The following DHX32 variants were observed in gnomAD, a reference collection of about 807,000 sequenced individuals.
DHX32 encodes the protein putative pre-mRNA-splicing factor ATP-dependent RNA helicase DHX32.
DHX32 carries 51 observed loss-of-function variants against 70.0 expected under a neutral mutation model. The observed-to-expected ratio is 0.73, with a 90% CI of 0.58 to 0.92. DHX32 has a LOEUF of 0.92. Ranked by LOEUF, DHX32 falls within the 40% of genes least tolerant of loss-of-function variation. The pLI is 0.00. For synonymous variants in DHX32, 310 were observed against 315.3 expected, an observed-to-expected ratio of 0.98 and a Z score of 0.18; for missense variants, 762 against 891.8, an observed-to-expected ratio of 0.85 and a Z score of 1.85.
intron 6 of DHX32, chr10:125,842,147 T>A (rs2134028411): frequency 4.7e-6 from 3 of 636,902 alleles, no homozygotes; most frequent in East Asian, 7.0e-5. Context: ...CAGCTCATGC[T>A]CCGAGGAGGG....
intron 2 of DHX32, among the ~76,000 whole-genome samples, chr10:125,861,404 G>C (rs1944187582): frequency 6.6e-6 from 1 of 152,156 alleles, no homozygotes. Flanking sequence ...GGCTGAGGCA[G>C]GAGAATGGCG....
chr10:125,851,256 T>A (rs1944085543), intron 6 of DHX32, among the ~76,000 whole-genome samples: 1 of 152,216 alleles, frequency 6.6e-6, no homozygotes, highest in African/African-American at 2.4e-5. Context: ...AATCCACAGT[T>A]ATATTTTCCC....
At chr10:125,842,541 A>G (rs1396707617) in intron 6 of DHX32, 1 of 152,308 alleles carries the variant, frequency 6.6e-6, no homozygotes, top group Non-Finnish European at 1.5e-5. Context: ...CTGCCACCTG[A>G]CACAGCTATA....
chr10:125,854,289 G>A, intron 3 of DHX32, 86 bp from the exon 4 acceptor site: 1 of 1,360,308 alleles, frequency 7.4e-7, no homozygotes, highest in South Asian at 1.5e-5. Context: ...AAAATTTTAG[G>A]CAATACTACG....
At chr10:125,845,250 C>A (rs1943999883) in intron 6 of DHX32, among the ~76,000 whole-genome samples, 1 of 152,182 alleles carries the variant, frequency 6.6e-6, no homozygotes, top group Non-Finnish European at 1.5e-5. Context: ...CAAACCCTCA[C>A]AGGAAGTCTG....
Position 125,836,737 on chromosome 10 carries a change from G to C in DHX32, c.2182C>G (p.Gln728Glu), listed in dbSNP as rs150831914. Residue 728 changes from glutamine to glutamate, a missense_variant, in exon 11 of 11, where the codon CAA (glutamine) becomes GAA (glutamate). By Grantham distance (29) the Gln-to-Glu change is conservative (BLOSUM62 2). This residue lies in a region of DHX32 where 366 missense variants were observed against 402.6 expected (regional missense o/e 0.91). Coordinates refer to ENST00000284690, the MANE Select transcript of DHX32 (RefSeq NM_018180.3). ...SPVSTMNKEQ[Q>E]MCETCPETEQ... Reference sequence around the variant, plus strand: ...GTTTCAGGGCACGTCTCACACATTTGCTGTTCCTTATTCATTGTTGACACA... The same window carrying C: ...GTTTCAGGGCACGTCTCACACATTTCCTGTTCCTTATTCATTGTTGACACA... The C allele has an allele frequency of 3.5e-5, 57 of 1,614,050 alleles. No homozygotes were observed. In the Middle Eastern group the frequency reaches 9.9e-4, roughly 28 times the overall value.
At chr10:125,870,462 C>T (rs144442748) in intron 1 of DHX32, among the ~76,000 whole-genome samples, 3 of 152,306 alleles carry the variant, frequency 2.0e-5, no homozygotes, top group African/African-American at 7.2e-5. Context: ...ATTGCCACTA[C>T]ATCACAGTTG....
intron 1 of DHX32, among the ~76,000 whole-genome samples, chr10:125,879,225 T>C (rs1308022398): frequency 2.6e-5 from 4 of 151,572 alleles, no homozygotes; most frequent in Non-Finnish European, 4.4e-5. Flanking sequence ...GATCTTGCCA[T>C]GTTGCCCAGC....
intron 1 of DHX32, among the ~76,000 whole-genome samples, chr10:125,871,496 C>G (rs1468049249): frequency 1.3e-5 from 2 of 152,200 alleles, no homozygotes; most frequent in African/African-American, 4.8e-5. Context: ...GCTCCCCTTC[C>G]AGTAACAGCT....
At chr10:125,840,790 G>T in intron 8 of DHX32, 57 bp downstream of exon 8, 1 of 1,511,052 alleles carries the variant, frequency 6.6e-7, no homozygotes, top group South Asian at 1.3e-5. Flanking sequence ...TAAGGACTCA[G>T]ACTTATCTAG....
At chr10:125,882,609 CAGA>C (rs1019707059), upstream of DHX32, among the ~76,000 whole-genome samples, 11 of 152,254 alleles carry the variant, frequency 7.2e-5, no homozygotes, top group African/African-American at 2.6e-4. Context: ...ACCAGAGAGG[CAGA>C]AGAACTTCAT....
intron 8 of DHX32, among the ~76,000 whole-genome samples, chr10:125,839,415 C>T (rs1854806650): frequency 6.6e-6 from 1 of 152,236 alleles, no homozygotes; most frequent in Non-Finnish European, 1.5e-5. Flanking sequence ...GCACCCATGC[C>T]ACCTGCTGGG....
intron 1 of DHX32, among the ~76,000 whole-genome samples, chr10:125,893,209 TC>T (rs1944381469): frequency 6.6e-6 from 1 of 152,260 alleles, no homozygotes; most frequent in South Asian, 2.1e-4. Context: ...GGCAGCATGC[TC>T]CTGCAGTCCC....
In DHX32 at chr10:125,865,183, C is replaced by T. The variant is rs181300831; in HGVS notation, c.476+1807G>A. Among the ~76,000 whole-genome samples the T allele has an allele frequency of 4.7e-3, 720 of 152,226 alleles. 4 individuals carry two copies. The highest frequency in any genetic ancestry group is 6.0e-3 in the Non-Finnish European group (410 of 68,012). ...AAATGTCAAACCAACCAACCAACCA[C>T]AAATCTGCTTAGGGATCCTTCACCC... On this transcript the variant is annotated intron_variant, in intron 2 of 10. Transcript: ENST00000284690.
At chr10:125,857,387 C>T (rs1213918464) in intron 3 of DHX32, among the ~76,000 whole-genome samples, 1 of 152,198 alleles carries the variant, frequency 6.6e-6, no homozygotes, top group African/African-American at 2.4e-5. Flanking sequence ...GCTGCCCCAC[C>T]CACAGGGCAG....
chr10:125,852,653 A>G lies in DHX32; in HGVS notation c.1093-11T>C, dbSNP rs1208781233. On this transcript the variant is annotated splice_polypyrimidine_tract_variant and intron_variant, in intron 4 of 10. Transcript: ENST00000284690. ...TCTCGGGTTGTACACCTTTAAATGGAAAGACAGCATCATTAGCGTCAGATA... is the reference window on the plus strand; with the variant it reads ...TCTCGGGTTGTACACCTTTAAATGGGAAGACAGCATCATTAGCGTCAGATA... The G allele has an allele frequency of 1.3e-6, 2 of 1,594,990 alleles. No homozygotes were observed. Among genetic ancestry groups the G allele is most frequent in the Non-Finnish European group, 8.5e-7 (1 of 1,172,856 alleles).
chr10:125,866,985 C>T lies in DHX32; in HGVS notation c.476+5G>A. 1 of 1,610,660 alleles carries T rather than the reference C, an allele frequency of 6.2e-7. No individual in the cohort carries two copies. The highest frequency in any genetic ancestry group is 8.5e-7 in the Non-Finnish European group (1 of 1,177,804). On this transcript the variant is annotated splice_donor_5th_base_variant and intron_variant, in intron 2 of 10. Coordinates refer to ENST00000284690, the MANE Select transcript of DHX32 (RefSeq NM_018180.3). This position sits in a 1 kb window ranked among gnomAD's most constrained non-coding sequence, Gnocchi z 4.8. ...CAGGGAGCGGACTGAACCCCACAAACCAACCTCAGGATTGTTTCGTTGGTA... is the reference window on the plus strand; with the variant it reads ...CAGGGAGCGGACTGAACCCCACAAATCAACCTCAGGATTGTTTCGTTGGTA...
chr10:125,857,819 G>A (rs1944158010), intron 3 of DHX32, among the ~76,000 whole-genome samples: 1 of 151,468 alleles, frequency 6.6e-6, no homozygotes, highest in African/African-American at 2.4e-5. Flanking sequence ...CTGACTTGAA[G>A]GATTACACCC....
Position 125,836,378 on chromosome 10 carries a change from A to G in DHX32, c.*309T>C, listed in dbSNP as rs1564820805. ...GACTTTATTCAGATTAAGTTCCTCT[A>G]CAAAAAGTAGGGTTCTGTCCCATGT... On this transcript the variant is annotated 3_prime_UTR_variant, in exon 11 of 11. Transcript: ENST00000284690. The G allele has an allele frequency of 6.4e-7, 1 of 1,565,310 alleles. No homozygotes were observed. Among genetic ancestry groups the G allele is most frequent in the African/African-American group, 1.4e-5 (1 of 72,582 alleles).
Sources: allele counts gnomAD v4.1 joint callset (sites outside exome capture counted in the v4.1 genomes callset), GRCh38; gene constraint gnomAD v4.1.1; regional missense constraint gnomAD v4.1.1; non-coding constraint Gnocchi (gnomAD v3.1); transcripts MANE v1.5; gene names NCBI Gene and HGNC (gene_info 2026-07-23, HGNC 2026-07-21).